The following TBCD variants were observed in gnomAD, a reference collection of about 807,000 sequenced individuals.
TBCD encodes the protein tubulin folding cofactor D.
In TBCD, 105 loss-of-function variants were observed where a neutral mutation model predicts 169.3. The observed-to-expected ratio is 0.62, with a 90% CI of 0.53 to 0.73. The LOEUF is 0.73. Among genes scored for constraint, TBCD ranks in the 30% least tolerant of loss-of-function variants. The probability of loss-of-function intolerance (pLI) is 0.00; values close to 1 mark genes in which losing one functional copy is unlikely to be tolerated. For synonymous variants in TBCD, 700 were observed against 643.9 expected (o/e 1.09, Z -1.32); for missense variants, 1,444 against 1,600.1 (o/e 0.90, Z 1.66).
chr17:82,826,919 G>A (rs915161638), intron 13 of TBCD, among the ~76,000 whole-genome samples: 5 of 152,148 alleles, frequency 3.3e-5, no homozygotes, highest in Non-Finnish European at 5.9e-5. Flanking sequence ...GGGACCGCAG[G>A]TATGTGCCAC....
intron 13 of TBCD, among the ~76,000 whole-genome samples, chr17:82,820,626 T>C (rs1451200834): frequency 1.3e-5 from 2 of 152,232 alleles, no homozygotes. Flanking sequence ...GGTGGTACCC[T>C]ATGAGTCTCT....
In TBCD at chr17:82,911,754, T is replaced by G; in HGVS notation, c.2007-4T>G. Reference sequence around the variant, plus strand: ...CTAATTCTGATGTTTTCATTCCTTTTCAGGGGTCTGGGAGGACAGCTCATG... The same window carrying G: ...CTAATTCTGATGTTTTCATTCCTTTGCAGGGGTCTGGGAGGACAGCTCATG... On this transcript the variant is annotated splice_region_variant and splice_polypyrimidine_tract_variant and intron_variant, in intron 22 of 38. Coordinates refer to ENST00000355528, the MANE Select transcript of TBCD (RefSeq NM_005993.5). 1 of 1,613,892 alleles carries G rather than the reference T, an allele frequency of 6.2e-7. No homozygotes were observed. Among genetic ancestry groups the G allele is most frequent in the Non-Finnish European group, 8.5e-7 (1 of 1,179,844 alleles).
At position 82,884,948 on chromosome 17, in the gene TBCD, G is replaced by A. The variant is rs2058621721; in HGVS notation, c.1533+746G>A. ...CACGTTTTAAGAGGGTAAGAACAGA[G>A]AGGCAGCCCTTTGAGAAAGATGGAG... On this transcript the variant is annotated intron_variant, in intron 15 of 38. Coordinates refer to ENST00000355528, the MANE Select transcript of TBCD (RefSeq NM_005993.5). This position sits in a 1 kb window ranked among gnomAD's most constrained non-coding sequence, Gnocchi z 4.2. 6.6e-6 allele frequency: 1 copy of A among 152,310 alleles called. No homozygotes were observed. Among genetic ancestry groups the A allele is most frequent in the Non-Finnish European group, 1.5e-5 (1 of 68,124 alleles). 9.4% of individuals were successfully genotyped at this position (152,310 alleles called of 1,614,324 possible). A position where few individuals can be genotyped will look rare whatever the true frequency, so the allele number is the denominator to read the frequency against.
rs745623497 is a variant in TBCD at position 82,923,889 on chromosome 17, G to A, written c.2260+156G>A. ...CTGTTCGGGTCTCAGGTTCCCAGCC[G>A]AGGAGCTGTGGGCAGGTCCTGCAGC... On this transcript the variant is annotated intron_variant, in intron 26 of 38. Transcript: ENST00000355528. This position sits in a 1 kb window ranked among gnomAD's most constrained non-coding sequence, Gnocchi z 4.6. 3.3e-5 allele frequency among the ~76,000 whole-genome samples: 5 copies of A among 152,108 alleles called. No homozygotes were observed. The highest frequency in any genetic ancestry group is 5.9e-5 in the Non-Finnish European group (4 of 68,018).
At position 82,766,336 on chromosome 17, in the gene TBCD, T is replaced by A. The variant is rs750852323; in HGVS notation, c.403T>A (p.Leu135Met). 1 of 1,613,118 alleles carries A rather than the reference T, an allele frequency of 6.2e-7. No individual in the cohort carries two copies. The highest frequency in any genetic ancestry group is 1.3e-5 in the African/African-American group (1 of 74,922). Residue 135 changes from leucine (L) to methionine (M), a missense_variant, in exon 4 of 39, where the codon TTG becomes ATG. Physicochemically the swap from Leu to Met is conservative, Grantham distance 15 (BLOSUM62 2). Coordinates refer to ENST00000355528, the MANE Select transcript of TBCD (RefSeq NM_005993.5). Reference protein sequence around the residue: ...EVADVEPVLDLVTIQNPKDHE... With the variant: ...EVADVEPVLDMVTIQNPKDHE... ...TGCCGATGTAGAGCCTGTTTTAGAT[T>A]TGGTCACAATTCAGAATCCCAAGGA...
chr17:82,859,788 C>T, intron 13 of TBCD: 1 of 985,468 alleles, frequency 1.0e-6, no homozygotes, highest in Non-Finnish European at 1.2e-6. Context: ...TCAGAGCCAC[C>T]TGTCCTGCCT....
chr17:82,782,132 C>G lies in TBCD; in HGVS notation c.771+411C>G, dbSNP rs1173938931. ...GGCTCGGGTTGGATGTTCCTGACTG[C>G]TTCGTTGGGACACAGACCCTGGCCT... On this transcript the variant is annotated intron_variant, in intron 7 of 38. Coordinates refer to ENST00000355528, the MANE Select transcript of TBCD (RefSeq NM_005993.5). The surrounding 1 kb of genome is among the most constrained non-coding windows in gnomAD (Gnocchi z 5.1). Among the ~76,000 whole-genome samples the G allele has an allele frequency of 1.3e-5, 2 of 152,226 alleles. No individual in the cohort carries two copies.
At chr17:82,787,151 C>T (rs1340656324) in intron 7 of TBCD, among the ~76,000 whole-genome samples, 1 of 152,174 alleles carries the variant, frequency 6.6e-6, no homozygotes, top group African/African-American at 2.4e-5. Context: ...GAGAGCCGAG[C>T]CCTGTGCCAC....
At chr17:82,817,696 C>G (rs542437930) in intron 13 of TBCD, among the ~76,000 whole-genome samples, 2 of 152,290 alleles carry the variant, frequency 1.3e-5, no homozygotes, top group East Asian at 3.9e-4. Flanking sequence ...ATCCTCCTGC[C>G]TCAGCCTCCC....
chr17:82,879,817 T>A (rs1361298353), intron 14 of TBCD, among the ~76,000 whole-genome samples: 1 of 152,192 alleles, frequency 6.6e-6, no homozygotes, highest in Non-Finnish European at 1.5e-5. Context: ...ACGGAAATAA[T>A]CAGTAGGCTT....
At chr17:82,772,556 A>G (rs779365492) in intron 6 of TBCD, 49 bp downstream of exon 6, 13 of 1,600,642 alleles carry the variant, frequency 8.1e-6, no homozygotes, top group Non-Finnish European at 1.1e-5. Context: ...GGGTTCTGAG[A>G]GGGGTTTGTT....
At chr17:82,822,627 C>T (rs779943476) in intron 13 of TBCD, among the ~76,000 whole-genome samples, 2 of 152,080 alleles carry the variant, frequency 1.3e-5, no homozygotes, top group African/African-American at 4.8e-5. Flanking sequence ...GGGGAATACA[C>T]GGGGGTGCAG....
chr17:82,900,453 C>G lies in TBCD; in HGVS notation c.1650-198C>G, dbSNP rs2059809874. 4 of 545,784 alleles carry G rather than the reference C, an allele frequency of 7.3e-6. No homozygotes were observed. The South Asian group carries it at 9.7e-5, about 13-fold the overall frequency. The allele number at this position is 545,784 out of a possible 1,614,324, so 33.8% of individuals were successfully genotyped here. A position where few individuals can be genotyped will look rare whatever the true frequency, so the allele number is the denominator to read the frequency against. ...TCGCCGTTACACATGAAGCTGTGTG[C>G]ACGTTTGTGTAAAGCCCGTGTGTGC... On this transcript the variant is annotated intron_variant, in intron 17 of 38. Transcript: ENST00000355528.
At chr17:82,939,154 T>C in intron 36 of TBCD, 1 of 598,890 alleles carries the variant, frequency 1.7e-6, no homozygotes, top group Non-Finnish European at 3.0e-6. Flanking sequence ...ATCCTGCAGC[T>C]AGCTGTGTGT....
chr17:82,897,727 G>A (rs1429377988), intron 17 of TBCD, among the ~76,000 whole-genome samples: 2 of 152,154 alleles, frequency 1.3e-5, no homozygotes, highest in Non-Finnish European at 2.9e-5. Context: ...CCTGTCGCTG[G>A]GGCTCCCCCG....
At chr17:82,852,312 G>A (rs1313197300) in intron 13 of TBCD, among the ~76,000 whole-genome samples, 2 of 152,156 alleles carry the variant, frequency 1.3e-5, no homozygotes, top group African/African-American at 4.8e-5. Context: ...CCCCAGCAGT[G>A]CTCCTTTTCT....
At chr17:82,888,186 G>A (rs1308811894) in intron 15 of TBCD, among the ~76,000 whole-genome samples, 1 of 152,154 alleles carries the variant, frequency 6.6e-6, no homozygotes, top group African/African-American at 2.4e-5. Flanking sequence ...GCCCGGTCCC[G>A]GGGATGCTGT....
chr17:82,784,174 G>A (rs1399354413), intron 7 of TBCD, among the ~76,000 whole-genome samples: 3 of 151,846 alleles, frequency 2.0e-5, no homozygotes, highest in African/African-American at 4.8e-5. Context: ...AGTACCCTTG[G>A]GTACACAACA....
chr17:82,935,073 A>AT (rs71168173), intron 34 of TBCD, among the ~76,000 whole-genome samples: 3 of 151,090 alleles, frequency 2.0e-5, no homozygotes, highest in Admixed American at 6.6e-5. Flanking sequence ...CAAAAAAAAA[A>AT]TTTTTTTTCC....
Sources: allele counts gnomAD v4.1 joint callset (sites outside exome capture counted in the v4.1 genomes callset), GRCh38; gene constraint gnomAD v4.1.1; non-coding constraint Gnocchi (gnomAD v3.1); transcripts MANE v1.5; gene names NCBI Gene and HGNC (gene_info 2026-07-23, HGNC 2026-07-21).